AATF: variants seen among roughly 807,000 people sequenced by gnomAD.
AATF encodes the protein protein AATF.
Under a neutral mutation model 63.7 loss-of-function variants are expected in AATF, and 48 were observed. That is an observed-to-expected ratio of 0.75 (90% confidence interval 0.60 to 0.96). The LOEUF is 0.96. Ranked by LOEUF, AATF falls within the 40% of genes least tolerant of loss-of-function variation. The pLI, the probability that AATF is intolerant of heterozygous loss-of-function variation, is 0.00. For missense variants in AATF, 639 were observed against 685.7 expected (o/e 0.93, Z 0.76); for synonymous variants, 258 against 247.7 (o/e 1.04, Z -0.39).
chr17:36,989,054 T>C (rs1488475357), intron 6 of AATF, among the ~76,000 whole-genome samples, 193 bp from the exon 7 acceptor site: 2 of 152,010 alleles, frequency 1.3e-5, no homozygotes, highest in Non-Finnish European at 2.9e-5. Context: ...AAAAATGATA[T>C]GACCTGCTTA....
intron 11 of AATF, among the ~76,000 whole-genome samples, chr17:37,048,418 T>A (rs1421974705): frequency 7.0e-6 from 1 of 143,278 alleles, no homozygotes; most frequent in African/African-American, 2.7e-5. Flanking sequence ...TTGCCCAGGC[T>A]GGAGTGCAAT....
At chr17:36,966,123 T>A (rs2070989667) in intron 4 of AATF, among the ~76,000 whole-genome samples, 1 of 152,184 alleles carries the variant, frequency 6.6e-6, no homozygotes, top group Non-Finnish European at 1.5e-5. Flanking sequence ...GAATTAGTGT[T>A]GTGTCTCTTA....
chr17:37,002,106 G>T (rs1426279125), intron 8 of AATF, among the ~76,000 whole-genome samples: 1 of 151,468 alleles, frequency 6.6e-6, no homozygotes, highest in African/African-American at 2.4e-5. Flanking sequence ...CAAGGCTGAG[G>T]CAGGAGAATC....
chr17:37,028,075 G>A, intron 10 of AATF, among the ~76,000 whole-genome samples: 1 of 152,144 alleles, frequency 6.6e-6, no homozygotes. Context: ...ACTCAGTCAA[G>A]TTTACATATA....
At chr17:37,000,609 G>C (rs1376501629) in intron 8 of AATF, among the ~76,000 whole-genome samples, 1 of 152,102 alleles carries the variant, frequency 6.6e-6, no homozygotes, top group Non-Finnish European at 1.5e-5. Flanking sequence ...CCAGGCTGAA[G>C]GTATAAATTT....
rs990684942 is a variant in AATF at position 37,044,773 on chromosome 17, G to A, written c.1620-11828G>A. ...CTAATCTGAAAATCTGAAATCTGAA[G>A]TGCTCCAGTGAGCATTTTCTTACAG... On this transcript the variant is annotated intron_variant, in intron 11 of 11. Coordinates refer to ENST00000619387, the MANE Select transcript of AATF (RefSeq NM_012138.4). 2.1e-4 allele frequency among the ~76,000 whole-genome samples: 32 copies of A among 152,292 alleles called. 1 individual carries two copies. The highest frequency in any genetic ancestry group is 6.8e-3 in the Middle Eastern group (2 of 294).
At position 36,990,761 on chromosome 17, in the gene AATF, A is replaced by AT. The variant is rs772986234; in HGVS notation, c.1315-11dup. On this transcript the variant is annotated splice_polypyrimidine_tract_variant and intron_variant, in intron 7 of 11. Coordinates refer to ENST00000619387, the MANE Select transcript of AATF (RefSeq NM_012138.4). Reference sequence around the variant, plus strand: ...GTTGGGATTCACTCTTTTCTTACTCATTGTTAACATAGGAGATCCTTCCTC... The same window carrying AT: ...GTTGGGATTCACTCTTTTCTTACTCATTTGTTAACATAGGAGATCCTTCCTC... The AT allele has an allele frequency of 8.3e-6, 13 of 1,558,430 alleles. No individual in the cohort carries two copies. In the African/African-American group the frequency reaches 1.7e-4, roughly 20 times the overall value.
At chr17:36,993,146 CT>C (rs1205761962) in intron 8 of AATF, among the ~76,000 whole-genome samples, 2 of 152,222 alleles carry the variant, frequency 1.3e-5, no homozygotes, top group Non-Finnish European at 2.9e-5. Flanking sequence ...TCACTTACCA[CT>C]CTTTGGCAGC....
intron 2 of AATF, among the ~76,000 whole-genome samples, chr17:36,951,857 A>T (rs1017822156): frequency 2.0e-5 from 3 of 152,252 alleles, no homozygotes; most frequent in African/African-American, 7.2e-5. Flanking sequence ...AAGACCTGTC[A>T]CGCTTTCCTA....
chr17:37,051,012 T>C (rs1023986279), intron 11 of AATF: 1 of 152,242 alleles, frequency 6.6e-6, no homozygotes, highest in Non-Finnish European at 1.5e-5. Context: ...TGGGCTCAAG[T>C]GGTCTTCCCA....
intron 11 of AATF, among the ~76,000 whole-genome samples, chr17:37,035,442 A>G (rs1403152964): frequency 6.6e-6 from 1 of 151,842 alleles, no homozygotes; most frequent in Non-Finnish European, 1.5e-5. Context: ...AGTAATACCC[A>G]GTGTTGATGG....
At chr17:36,965,073 C>T (rs1297513120) in intron 4 of AATF, among the ~76,000 whole-genome samples, 2 of 152,150 alleles carry the variant, frequency 1.3e-5, no homozygotes, top group African/African-American at 2.4e-5. Context: ...ATTGGGTAGA[C>T]CTTTCTAGAT....
Position 36,950,146 on chromosome 17 carries a change from G to T in AATF, c.92-68G>T. 4 of 1,544,046 alleles carry T rather than the reference G, an allele frequency of 2.6e-6. No individual in the cohort carries two copies. In the South Asian group the frequency reaches 3.6e-5, roughly 14 times the overall value. On this transcript the variant is annotated intron_variant, in intron 1 of 11. Coordinates refer to ENST00000619387, the MANE Select transcript of AATF (RefSeq NM_012138.4). ...CGTTCAACTATGAGATAAATGGGTC[G>T]ACCAGGGTTCCCGTTAAAGTTTCTG...
chr17:36,953,554 T>C (rs1567962854), intron 3 of AATF, among the ~76,000 whole-genome samples: 1 of 152,190 alleles, frequency 6.6e-6, no homozygotes, highest in Non-Finnish European at 1.5e-5. Context: ...TCTCCTCTCC[T>C]TGGGTTTTAG....
intron 11 of AATF, among the ~76,000 whole-genome samples, chr17:37,040,636 CTT>C (rs1287191513): frequency 6.6e-6 from 1 of 152,104 alleles, no homozygotes; most frequent in Non-Finnish European, 1.5e-5. Context: ...AATTCACAAA[CTT>C]TTAGAAATAT....
intron 8 of AATF, among the ~76,000 whole-genome samples, chr17:36,993,607 GT>G (rs1304003724): frequency 1.3e-5 from 2 of 152,152 alleles, no homozygotes; most frequent in Non-Finnish European, 2.9e-5. Context: ...GCATTCAGAA[GT>G]GGTTCAATAT....
At chr17:37,004,918 T>C (rs1455028158) in intron 8 of AATF, among the ~76,000 whole-genome samples, 1 of 152,178 alleles carries the variant, frequency 6.6e-6, no homozygotes, top group Non-Finnish European at 1.5e-5. Flanking sequence ...TTAACATGGC[T>C]TGGGGTTTTG....
chr17:37,052,739 C>T (rs1004268549), intron 11 of AATF: 2 of 152,428 alleles, frequency 1.3e-5, no homozygotes, highest in African/African-American at 4.8e-5. Flanking sequence ...CGAGCCCCTC[C>T]TTAAAGTGAC....
intron 11 of AATF, among the ~76,000 whole-genome samples, chr17:37,050,456 A>G (rs1285453376): frequency 5.9e-5 from 9 of 152,236 alleles, no homozygotes; most frequent in Admixed American, 4.6e-4. Flanking sequence ...AGCTTCCACC[A>G]CACTAAGCAA....
Sources: gnomAD v4.1 joint callset for allele counts (sites outside exome capture counted in the v4.1 genomes callset) on GRCh38, gnomAD v4.1.1 for gene constraint, MANE v1.5 for transcripts, NCBI Gene and HGNC (gene_info 2026-07-23, HGNC 2026-07-21) for gene names.